Variants in ROBO2 observed in about 807,000 individuals in gnomAD.
The protein encoded by ROBO2 is roundabout guidance receptor 2, also known as roundabout homolog 2.
Under a neutral mutation model 160.8 loss-of-function variants are expected in ROBO2, and 53 were observed. The ratio of observed to expected loss-of-function variants is 0.33; its 90% CI spans 0.26 to 0.41. The LOEUF is 0.41. Among genes scored for constraint, ROBO2 ranks in the 10% least tolerant of loss-of-function variants. ROBO2 has a pLI of 1.00. For synonymous variants in ROBO2, 664 were observed against 611.7 expected, an observed-to-expected ratio of 1.09 and a Z score of -1.26; for missense variants, 1,577 against 1,722.4, an observed-to-expected ratio of 0.92 and a Z score of 1.49.
At chr3:75,990,010 G>T (rs1049769093) in intron 2 of ROBO2, among the ~76,000 whole-genome samples, 1 of 152,024 alleles carries the variant, frequency 6.6e-6, no homozygotes, top group Non-Finnish European at 1.5e-5. Flanking sequence ...TATCTCAACT[G>T]TATTGCATAA....
chr3:76,798,217 AAG>A (rs2063872032), intron 2 of ROBO2, among the ~76,000 whole-genome samples: 1 of 149,350 alleles, frequency 6.7e-6, no homozygotes, highest in African/African-American at 2.5e-5. Context: ...GAAAGAGAAA[AAG>A]AAAGAAAGAG....
chr3:76,373,435 G>C (rs2076198667), intron 2 of ROBO2, among the ~76,000 whole-genome samples: 1 of 151,932 alleles, frequency 6.6e-6, no homozygotes, highest in African/African-American at 2.4e-5. Context: ...ATTTATATGT[G>C]CATAATTTGG....
intron 1 of ROBO2, among the ~76,000 whole-genome samples, chr3:77,087,892 A>G (rs1411262948): frequency 6.6e-6 from 1 of 152,056 alleles, no homozygotes; most frequent in African/African-American, 2.4e-5. Context: ...ATAAGAATAT[A>G]TATATTTCTA....
chr3:76,224,761 A>G (rs538041477), intron 2 of ROBO2, among the ~76,000 whole-genome samples: 1 of 151,928 alleles, frequency 6.6e-6, no homozygotes, highest in African/African-American at 2.4e-5. Context: ...AGACTCAGCT[A>G]CTTCCCTTTC....
intron 2 of ROBO2, among the ~76,000 whole-genome samples, chr3:77,011,697 T>G (rs1226310498): frequency 6.6e-6 from 1 of 152,010 alleles, no homozygotes; most frequent in Non-Finnish European, 1.5e-5. Flanking sequence ...GGTAAGAATT[T>G]CTCCTTCTGA....
In ROBO2 at chr3:76,584,007, G is replaced by A. The variant is rs375560066; in HGVS notation, c.110-514007G>A. On this transcript the variant is annotated intron_variant, in intron 2 of 26. Transcript: ENST00000487694. The stretch of plus-strand genomic sequence containing the variant: ...AACACATTTCTTCATCTGGGATAGC[G>A]CTTGAATTTCCCAAGGCTGCCTTCT... Among the ~76,000 whole-genome samples the A allele has an allele frequency of 2.5e-4, 38 of 152,156 alleles. 1 individual carries two copies. In the Middle Eastern group the frequency reaches 0.01, roughly 41 times the overall value.
intron 8 of ROBO2, among the ~76,000 whole-genome samples, chr3:77,556,598 T>G (rs1032753495): frequency 2.6e-5 from 4 of 151,816 alleles, no homozygotes; most frequent in African/African-American, 9.7e-5. Context: ...TGCAAGTAAA[T>G]TGGAAAGATA....
At chr3:76,977,294 G>A (rs2059861759) in intron 2 of ROBO2, among the ~76,000 whole-genome samples, 1 of 152,110 alleles carries the variant, frequency 6.6e-6, no homozygotes, top group South Asian at 2.1e-4. Flanking sequence ...TTACAGAGAG[G>A]AAAGTGATTC....
At chr3:76,695,629 A>T (rs1376177949) in intron 2 of ROBO2, among the ~76,000 whole-genome samples, 1 of 152,180 alleles carries the variant, frequency 6.6e-6, no homozygotes, top group Non-Finnish European at 1.5e-5. Context: ...CTGATGGCAA[A>T]CACTTGTGGT....
chr3:76,215,232 G>A (rs943293293), intron 2 of ROBO2, among the ~76,000 whole-genome samples: 12 of 152,042 alleles, frequency 7.9e-5, no homozygotes, highest in Admixed American at 3.3e-4. Flanking sequence ...CAGAAAAACC[G>A]GAAACTCTAA....
intron 2 of ROBO2, among the ~76,000 whole-genome samples, chr3:76,998,857 A>C (rs888137712): frequency 1.3e-5 from 2 of 152,168 alleles, no homozygotes; most frequent in Non-Finnish European, 2.9e-5. Context: ...TGTAAGCCTG[A>C]TCATAGGAAA....
At chr3:76,903,344 G>C (rs569622855) in intron 2 of ROBO2, among the ~76,000 whole-genome samples, 1 of 151,864 alleles carries the variant, frequency 6.6e-6, no homozygotes, top group Non-Finnish European at 1.5e-5. Context: ...ATCCTTAAAT[G>C]CTCCAACTTT....
intron 2 of ROBO2, among the ~76,000 whole-genome samples, chr3:76,086,684 CA>C (rs915565385): frequency 6.6e-6 from 1 of 151,856 alleles, no homozygotes; most frequent in African/African-American, 2.4e-5. Context: ...AATTTGAAAA[CA>C]AAAAACAATC....
chr3:76,192,413 A>G (rs1475852295), intron 2 of ROBO2, among the ~76,000 whole-genome samples: 1 of 151,962 alleles, frequency 6.6e-6, no homozygotes, highest in Non-Finnish European at 1.5e-5. Context: ...TAAATAAATA[A>G]AAATAAAATC....
chr3:76,305,863 A>C (rs1025093982), intron 2 of ROBO2, among the ~76,000 whole-genome samples: 8 of 152,032 alleles, frequency 5.3e-5, no homozygotes, highest in African/African-American at 1.7e-4. Context: ...AAAAACAAAA[A>C]AACATCACCT....
intron 2 of ROBO2, among the ~76,000 whole-genome samples, chr3:76,869,933 C>T (rs900288037): frequency 2.0e-5 from 3 of 152,060 alleles, no homozygotes; most frequent in Non-Finnish European, 4.4e-5. Flanking sequence ...ATGCCCAATA[C>T]CACACAGTTA....
chr3:77,613,559 C>A (rs757318668), intron 21 of ROBO2, among the ~76,000 whole-genome samples: 5 of 151,970 alleles, frequency 3.3e-5, no homozygotes, highest in Admixed American at 2.6e-4. Flanking sequence ...CCTCCTCTTA[C>A]GTATTTCTGT....
At chr3:76,949,627 C>T (rs2078840783) in intron 2 of ROBO2, among the ~76,000 whole-genome samples, 2 of 152,328 alleles carry the variant, frequency 1.3e-5, no homozygotes, top group South Asian at 4.1e-4. Context: ...GGCTCTGCTT[C>T]TATCGTACTT....
chr3:77,486,260 T>C (rs1020826738), intron 4 of ROBO2, among the ~76,000 whole-genome samples: 1 of 152,190 alleles, frequency 6.6e-6, no homozygotes, highest in Non-Finnish European at 1.5e-5. Flanking sequence ...CTATCTATAA[T>C]AGAATGATTT....
Sources: allele counts gnomAD v4.1 joint callset (sites outside exome capture counted in the v4.1 genomes callset), GRCh38; gene constraint gnomAD v4.1.1; transcripts MANE v1.5; gene names NCBI Gene and HGNC (gene_info 2026-07-23, HGNC 2026-07-21).